NNMT: variants seen among roughly 807,000 people sequenced by gnomAD.
NNMT encodes the protein nicotinamide N-methyltransferase.
In NNMT, 10 loss-of-function variants were observed where a neutral mutation model predicts 11.7. The observed-to-expected ratio is 0.85, with a 90% confidence interval of 0.53 to 1.45. NNMT has a LOEUF of 1.45. Among genes scored for constraint, NNMT ranks in the 40% most tolerant of loss-of-function variants. The probability of loss-of-function intolerance (pLI) is 0.00; values close to 1 mark genes in which losing one functional copy is unlikely to be tolerated. For missense variants in NNMT, 381 were observed against 319.4 expected (o/e 1.19, Z -1.47); for synonymous variants, 143 against 133.8 (o/e 1.07, Z -0.48).
intron 2 of NNMT, among the ~76,000 whole-genome samples, chr11:114,281,059 C>T (rs938451042): frequency 4.6e-5 from 7 of 152,140 alleles, no homozygotes; most frequent in Admixed American, 2.0e-4. Context: ...GCCCAGGGTC[C>T]CACTAGGGAC....
intron 2 of NNMT, among the ~76,000 whole-genome samples, chr11:114,283,983 A>G (rs1945279293): frequency 6.6e-6 from 1 of 152,216 alleles, no homozygotes; most frequent in Non-Finnish European, 1.5e-5. Flanking sequence ...TCGTACCGTT[A>G]CAGTAATTAG....
chr11:114,279,006 A>G (rs577569995), intron 2 of NNMT, among the ~76,000 whole-genome samples: 1 of 152,220 alleles, frequency 6.6e-6, no homozygotes, highest in South Asian at 2.1e-4. Flanking sequence ...AGTAGGATGG[A>G]CCAGCCTGGG....
At chr11:114,302,114 C>T (rs996104005) in intron 2 of NNMT, among the ~76,000 whole-genome samples, 3 of 151,986 alleles carry the variant, frequency 2.0e-5, no homozygotes, top group African/African-American at 7.3e-5. Context: ...CAATTTCTGC[C>T]TCTAACTGGA....
chr11:114,258,480 G>T (rs1425239411), intron 1 of NNMT, among the ~76,000 whole-genome samples: 1 of 152,226 alleles, frequency 6.6e-6, no homozygotes, highest in Non-Finnish European at 1.5e-5. Context: ...ACTCAGCACG[G>T]CCAGGCCTTC....
Position 114,268,685 on chromosome 11 carries a change from C to T in NNMT, c.-130+5751C>T, listed in dbSNP as rs192783216. 2.2e-3 allele frequency among the ~76,000 whole-genome samples: 328 copies of T among 146,466 alleles called. 1 individual carries two copies. The highest frequency in any genetic ancestry group is 4.1e-3 in the Non-Finnish European group (278 of 67,414). Reference sequence around the variant, plus strand: ...TCGGGAGGCTGAGGCAGGAGAATGGCGTGAACCTGGGAGGCGCAGCTTGCA... The same window carrying T: ...TCGGGAGGCTGAGGCAGGAGAATGGTGTGAACCTGGGAGGCGCAGCTTGCA... On this transcript the variant is annotated intron_variant, in intron 2 of 4. Transcript: ENST00000535401.
rs768961761 is a variant in NNMT, at chr11:114,312,052, G to A, written c.370G>A (p.Gly124Ser). ...TGGGTTTGTGTTTTTCAGAGTCAAG[G>A]GTCCAGAGAAGGAGGAGAAGTTGAG... ...VCDLEGNRVK[G>S]PEKEEKLRQA... Residue 124 changes from glycine (G) to serine (S), a missense_variant, in exon 3 of 3, where the codon GGT (glycine) becomes AGT (serine). Transcript: ENST00000299964. The A allele has an allele frequency of 3.8e-6, 6 of 1,563,042 alleles. No individual in the cohort carries two copies. The African/African-American group carries it at 8.1e-5, about 21-fold the overall frequency.
chr11:114,307,579 C>T (rs1945504305), intron 2 of NNMT, among the ~76,000 whole-genome samples: 1 of 152,108 alleles, frequency 6.6e-6, no homozygotes. Flanking sequence ...GATCATGTCA[C>T]TCTCCTCCTT....
chr11:114,268,262 A>T (rs1945137502), intron 2 of NNMT, among the ~76,000 whole-genome samples: 1 of 152,188 alleles, frequency 6.6e-6, no homozygotes, highest in African/African-American at 2.4e-5. Flanking sequence ...ACTGAAGGGA[A>T]CTTCACAGAT....
rs556515453 is a variant in NNMT at position 114,265,863 on chromosome 11, G to A, written c.-130+2929G>A. Among the ~76,000 whole-genome samples, 70 of 151,978 alleles carry A rather than the reference G, an allele frequency of 4.6e-4. 1 individual carries two copies. Among genetic ancestry groups the A allele is most frequent in the South Asian group, 3.8e-3 (18 of 4,796 alleles). On this transcript the variant is annotated intron_variant, in intron 2 of 4. Coordinates refer to the NNMT transcript ENST00000535401. ...ATTATTATTATTATTATTCTGCACC[G>A]CCAAGTCTCCTTGTCAACTTCCTGG... is the stretch of plus-strand genomic sequence containing the variant.
intron 1 of NNMT, among the ~76,000 whole-genome samples, chr11:114,260,186 G>A (rs370761673): frequency 3.9e-5 from 6 of 152,280 alleles, no homozygotes; most frequent in Admixed American, 6.5e-5. Flanking sequence ...TTTTACAGAT[G>A]GGTAAACTGA....
chr11:114,291,073 T>A (rs1473609404), intron 2 of NNMT, among the ~76,000 whole-genome samples: 3 of 152,230 alleles, frequency 2.0e-5, no homozygotes, highest in African/African-American at 7.2e-5. Context: ...CTAAACATAG[T>A]CCTTCCTAGA....
At chr11:114,262,079 A>G (rs1479646921) in intron 1 of NNMT, among the ~76,000 whole-genome samples, 1 of 152,228 alleles carries the variant, frequency 6.6e-6, no homozygotes, top group Non-Finnish European at 1.5e-5. Context: ...GCAATGGGAC[A>G]AACTCTTACT....
chr11:114,291,839 C>T (rs985511136), upstream of NNMT, among the ~76,000 whole-genome samples: 15 of 152,158 alleles, frequency 9.9e-5, no homozygotes, highest in African/African-American at 3.4e-4. Context: ...CCACTTTTTA[C>T]TTAGTCAATT....
At chr11:114,270,884 C>T (rs1428096655) in intron 2 of NNMT, among the ~76,000 whole-genome samples, 2 of 152,048 alleles carry the variant, frequency 1.3e-5, no homozygotes, top group African/African-American at 2.4e-5. Context: ...AAGCAATTCT[C>T]CTGTCTCAGC....
At chr11:114,292,426 A>T (rs1945341440), upstream of NNMT, among the ~76,000 whole-genome samples, 1 of 152,196 alleles carries the variant, frequency 6.6e-6, no homozygotes, top group Non-Finnish European at 1.5e-5. Flanking sequence ...TCTGGAGTCT[A>T]GAGTGAGGTA....
chr11:114,278,016 A>C (rs1945227438), intron 2 of NNMT, among the ~76,000 whole-genome samples: 1 of 152,330 alleles, frequency 6.6e-6, no homozygotes, highest in East Asian at 1.9e-4. Context: ...TAAAAGAAGA[A>C]ATATGTTGGC....
chr11:114,264,366 CT>C (rs1201669581), intron 2 of NNMT, among the ~76,000 whole-genome samples: 1 of 152,108 alleles, frequency 6.6e-6, no homozygotes, highest in Non-Finnish European at 1.5e-5. Flanking sequence ...TTAAAATTGT[CT>C]TTTCAAGTTC....
At chr11:114,271,399 G>T (rs1408347934) in intron 2 of NNMT, among the ~76,000 whole-genome samples, 1 of 152,128 alleles carries the variant, frequency 6.6e-6, no homozygotes, top group Non-Finnish European at 1.5e-5. Flanking sequence ...CCCCAGTGAT[G>T]GGAGCCTCTA....
At chr11:114,295,915 G>A (rs1287052221), upstream of NNMT, 1 of 152,084 alleles carries the variant, frequency 6.6e-6, no homozygotes, top group East Asian at 1.9e-4. Flanking sequence ...AGAGGGTCTC[G>A]GGATGTTTGG....
Sources: allele counts gnomAD v4.1 joint callset (sites outside exome capture counted in the v4.1 genomes callset), GRCh38; gene constraint gnomAD v4.1.1; transcripts MANE v1.5; gene names NCBI Gene and HGNC (gene_info 2026-07-23, HGNC 2026-07-21).